FAM13A: variants seen among roughly 807,000 people sequenced by gnomAD.
FAM13A encodes the protein protein FAM13A.
FAM13A carries 76 observed loss-of-function variants against 129.6 expected under a neutral mutation model. The ratio of observed to expected loss-of-function variants is 0.59; its 90% CI spans 0.49 to 0.71. FAM13A has a LOEUF of 0.71. Among genes scored for constraint, FAM13A ranks in the 30% least tolerant of loss-of-function variants. The pLI, the probability that FAM13A is intolerant of heterozygous loss-of-function variation, is 0.00. For missense variants in FAM13A, 1,108 were observed against 1,249.3 expected, an observed-to-expected ratio of 0.89 and a Z score of 1.70; for synonymous variants, 443 against 449.9, an observed-to-expected ratio of 0.98 and a Z score of 0.20.
chr4:88,961,653 CACCTTGTCTGGCCAG>C (rs1344672911), intron 4 of FAM13A, among the ~76,000 whole-genome samples: 1 of 152,074 alleles, frequency 6.6e-6, no homozygotes, highest in Non-Finnish European at 1.5e-5. Flanking sequence ...ACGCGTGAGC[CACCTTGTCTGGCCAG>C]AACTTGCCTT....
intron 4 of FAM13A, among the ~76,000 whole-genome samples, chr4:88,987,983 G>A (rs1762475822): frequency 6.6e-6 from 1 of 151,982 alleles, no homozygotes; most frequent in South Asian, 2.1e-4. Context: ...TCCACAGGAT[G>A]ATGTCTGTTT....
chr4:88,834,576 A>T (rs1734491903), intron 7 of FAM13A, among the ~76,000 whole-genome samples: 2 of 152,328 alleles, frequency 1.3e-5, no homozygotes, highest in Non-Finnish European at 2.9e-5. Flanking sequence ...TAAAAATACT[A>T]AGTAGAAAAA....
At chr4:88,729,793 A>G (rs1467066515) in intron 23 of FAM13A, 1 of 152,236 alleles carries the variant, frequency 6.6e-6, no homozygotes, top group Admixed American at 6.5e-5. Flanking sequence ...CATGTATAAG[A>G]TATCTGTGCA....
chr4:88,910,927 C>T (rs540162319), intron 5 of FAM13A, among the ~76,000 whole-genome samples: 5 of 152,296 alleles, frequency 3.3e-5, no homozygotes, highest in East Asian at 1.9e-4. Flanking sequence ...GGATTACAGG[C>T]GTGAGCCACC....
At chr4:88,906,104 A>G (rs1163986258) in intron 6 of FAM13A, among the ~76,000 whole-genome samples, 1 of 152,176 alleles carries the variant, frequency 6.6e-6, no homozygotes, top group African/African-American at 2.4e-5. Flanking sequence ...CCTGGCCAAC[A>G]TGGCAAAACC....
chr4:89,056,910 C>T, intron 1 of FAM13A, 28 bp downstream of exon 1: 1 of 1,608,074 alleles, frequency 6.2e-7, no homozygotes. Context: ...GCAGTAAACA[C>T]AGAAGACAGA....
intron 9 of FAM13A, among the ~76,000 whole-genome samples, chr4:88,789,025 C>T (rs767292683): frequency 6.6e-6 from 1 of 152,072 alleles, no homozygotes; most frequent in Non-Finnish European, 1.5e-5. Flanking sequence ...AATCACAGTA[C>T]AGAGGATTGT....
At chr4:88,896,322 A>G (rs1346124796) in intron 6 of FAM13A, among the ~76,000 whole-genome samples, 1 of 151,894 alleles carries the variant, frequency 6.6e-6, no homozygotes, top group Non-Finnish European at 1.5e-5. Flanking sequence ...CTAATGCTAG[A>G]TGACGAGTTA....
intron 6 of FAM13A, among the ~76,000 whole-genome samples, chr4:88,887,242 G>A (rs1744573941): frequency 6.6e-6 from 1 of 152,046 alleles, no homozygotes; most frequent in Non-Finnish European, 1.5e-5. Flanking sequence ...TAAAGAACTT[G>A]TTCATGTAAC....
chr4:89,021,611 G>C (rs937608861), intron 2 of FAM13A, among the ~76,000 whole-genome samples: 1 of 152,216 alleles, frequency 6.6e-6, no homozygotes, highest in Non-Finnish European at 1.5e-5. Context: ...AAGTTAAAGA[G>C]TGAAGGCCTT....
chr4:88,747,102 C>A, intron 18 of FAM13A, 87 bp from the exon 19 acceptor site: 3 of 903,164 alleles, frequency 3.3e-6, no homozygotes, highest in Non-Finnish European at 5.4e-6. Context: ...TAAAGCAAGG[C>A]TAAAAAGAAC....
chr4:89,029,915 A>G (rs1768467767), intron 1 of FAM13A: 3 of 418,278 alleles, frequency 7.2e-6, no homozygotes, highest in Non-Finnish European at 8.4e-6. Context: ...TATCTAAGAT[A>G]TATTACTACA....
In FAM13A at chr4:88,737,605, C is replaced by T. The variant is rs773522649; in HGVS notation, c.2563-50G>A. On this transcript the variant is annotated intron_variant, in intron 20 of 23. Coordinates refer to ENST00000264344, the MANE Select transcript of FAM13A (RefSeq NM_014883.4). ...TTACATTCCGAACCCCTTTCCCTTT[C>T]CCTCCAGCTCTCGGCCTCCTCTGAC... 1.9e-5 allele frequency: 28 copies of T among 1,469,694 alleles called. No individual in the cohort carries two copies. In the South Asian group the frequency reaches 2.8e-4, roughly 15 times the overall value. 91.0% of individuals were successfully genotyped at this position (1,469,694 alleles called of 1,614,324 possible).
intron 4 of FAM13A, among the ~76,000 whole-genome samples, chr4:88,948,122 G>GT (rs1035475503): frequency 1.1e-4 from 16 of 152,100 alleles, no homozygotes; most frequent in Admixed American, 2.0e-4. Context: ...CAACCTGGAG[G>GT]TAACTGAACA....
chr4:88,747,100 G>C (rs781029738), intron 18 of FAM13A, 85 bp from the exon 19 acceptor site: 14 of 944,650 alleles, frequency 1.5e-5, no homozygotes, highest in Non-Finnish European at 2.4e-5. Flanking sequence ...ACTAAAGCAA[G>C]GCTAAAAAGA....
chr4:88,733,611 T>A (rs1438392061), intron 21 of FAM13A, among the ~76,000 whole-genome samples: 1 of 152,040 alleles, frequency 6.6e-6, no homozygotes, highest in East Asian at 1.9e-4. Context: ...TTCCTTCCCC[T>A]CCCCTGGATA....
At chr4:88,777,486 T>C (rs1721999511) in intron 11 of FAM13A, among the ~76,000 whole-genome samples, 1 of 152,126 alleles carries the variant, frequency 6.6e-6, no homozygotes, top group South Asian at 2.1e-4. Context: ...GTTGAAATTG[T>C]GGCAATAATT....
chr4:89,027,349 T>C (rs942597772), intron 2 of FAM13A, among the ~76,000 whole-genome samples: 7 of 151,864 alleles, frequency 4.6e-5, no homozygotes, highest in African/African-American at 1.7e-4. Flanking sequence ...TCTAAAAAAA[T>C]TTTTTTTAAT....
chr4:88,817,818 G>A (rs1731072480), intron 7 of FAM13A, among the ~76,000 whole-genome samples: 1 of 152,162 alleles, frequency 6.6e-6, no homozygotes. Flanking sequence ...GCACTGCAAT[G>A]ATATAGCACT....
Sources: gnomAD v4.1 joint callset for allele counts (sites outside exome capture counted in the v4.1 genomes callset) on GRCh38, gnomAD v4.1.1 for gene constraint, MANE v1.5 for transcripts, NCBI Gene and HGNC (gene_info 2026-07-23, HGNC 2026-07-21) for gene names.